The following CSMD3 variants were observed in gnomAD, a reference collection of about 807,000 sequenced individuals.
CSMD3 encodes CUB and Sushi multiple domains 3, also known as CUB and sushi domain-containing protein 3.
A neutral mutation model predicts 435.2 loss-of-function variants in CSMD3; 177 were observed. The observed-to-expected ratio is 0.41, with a 90% CI of 0.36 to 0.46. The LOEUF is 0.46. Ranked by LOEUF, CSMD3 falls within the 20% of genes least tolerant of loss-of-function variation. The pLI, the probability that CSMD3 is intolerant of heterozygous loss-of-function variation, is 0.34. For synonymous variants in CSMD3, 1,656 were observed against 1,520.5 expected (o/e 1.09, Z -2.07); for missense variants, 4,265 against 4,504.6 (o/e 0.95, Z 1.52).
At chr8:112,572,162 T>A (rs557532495) in intron 24 of CSMD3, among the ~76,000 whole-genome samples, 2 of 152,216 alleles carry the variant, frequency 1.3e-5, no homozygotes, top group South Asian at 2.1e-4. Flanking sequence ...TTGCTCAATA[T>A]CATTACTTTT....
At chr8:112,259,922 T>C (rs1321249680) in intron 61 of CSMD3, among the ~76,000 whole-genome samples, 3 of 152,152 alleles carry the variant, frequency 2.0e-5, no homozygotes, top group Non-Finnish European at 2.9e-5. Flanking sequence ...GTGTTCCTCT[T>C]ATGCATATTC....
intron 5 of CSMD3, among the ~76,000 whole-genome samples, chr8:113,041,777 T>G (rs1056443348): frequency 2.0e-5 from 3 of 152,312 alleles, no homozygotes; most frequent in Middle Eastern, 6.8e-3. Context: ...CTTTTTCTAT[T>G]CAGAAATTAA....
chr8:112,673,098 C>T (rs1481023647), intron 16 of CSMD3, among the ~76,000 whole-genome samples: 1 of 151,792 alleles, frequency 6.6e-6, no homozygotes, highest in Non-Finnish European at 1.5e-5. Flanking sequence ...AACAGTCCTT[C>T]TGTGGAGTTG....
intron 1 of CSMD3, among the ~76,000 whole-genome samples, chr8:113,410,958 G>GAAAGAAAGA (rs1254597642): frequency 1.1e-5 from 1 of 95,148 alleles, no homozygotes; most frequent in Admixed American, 9.6e-5. Flanking sequence ...AGAAAGAGAA[G>GAAAGAAAGA]GGAGGGAGGG....
intron 32 of CSMD3, among the ~76,000 whole-genome samples, chr8:112,458,225 A>ACACACACACACACACT (rs1817057011): frequency 6.6e-6 from 1 of 151,754 alleles, no homozygotes; most frequent in Non-Finnish European, 1.5e-5. Flanking sequence ...CCACACACAC[A>ACACACACACACACACT]CAGAGAAACA....
intron 27 of CSMD3, among the ~76,000 whole-genome samples, chr8:112,543,496 C>A (rs912990600): frequency 6.6e-6 from 1 of 151,926 alleles, no homozygotes; most frequent in African/African-American, 2.4e-5. Flanking sequence ...GTTAACATAA[C>A]TAATCTTCAA....
intron 1 of CSMD3, among the ~76,000 whole-genome samples, chr8:113,434,586 C>A (rs1448863406): frequency 6.6e-6 from 1 of 151,954 alleles, no homozygotes; most frequent in African/African-American, 2.4e-5. Context: ...TCCAAGTGCC[C>A]GATGAGTGAC....
chr8:113,352,347 C>T (rs932414277), intron 1 of CSMD3, among the ~76,000 whole-genome samples: 10 of 151,986 alleles, frequency 6.6e-5, no homozygotes, highest in African/African-American at 2.4e-4. Context: ...TATTCTGTCA[C>T]AAACCAAGCA....
chr8:113,226,466 G>A (rs541198138), intron 3 of CSMD3, among the ~76,000 whole-genome samples: 194 of 151,670 alleles, frequency 1.3e-3, no homozygotes, highest in African/African-American at 4.5e-3. Flanking sequence ...TGGCATGTAT[G>A]AGTATGTCTG....
chr8:112,370,556 G>T (rs188240203), intron 38 of CSMD3, among the ~76,000 whole-genome samples: 5 of 151,474 alleles, frequency 3.3e-5, no homozygotes, highest in Non-Finnish European at 7.4e-5. Context: ...CTTCTGTTTC[G>T]TGGTATTGGC....
At chr8:112,544,005 G>C (rs1363695566) in intron 27 of CSMD3, among the ~76,000 whole-genome samples, 1 of 152,080 alleles carries the variant, frequency 6.6e-6, no homozygotes, top group Non-Finnish European at 1.5e-5. Flanking sequence ...ACTTATATGA[G>C]GTATCTAAAA....
chr8:112,607,992 A>G (rs1313317171), intron 22 of CSMD3, among the ~76,000 whole-genome samples: 1 of 152,136 alleles, frequency 6.6e-6, no homozygotes, highest in Non-Finnish European at 1.5e-5. Context: ...AACCATCCGA[A>G]ACATAAAAGA....
intron 22 of CSMD3, among the ~76,000 whole-genome samples, chr8:112,621,002 C>T (rs562698762): frequency 5.9e-5 from 9 of 152,130 alleles, no homozygotes; most frequent in African/African-American, 1.2e-4. Context: ...TTTGGTAGGC[C>T]GAGGTGGGCG....
At chr8:112,626,789 G>C (rs1328448142) in intron 22 of CSMD3, among the ~76,000 whole-genome samples, 1 of 152,096 alleles carries the variant, frequency 6.6e-6, no homozygotes, top group Non-Finnish European at 1.5e-5. Flanking sequence ...ATATGTCACT[G>C]TTGTAAGCAA....
At chr8:113,346,705 CTG>C (rs138662851) in intron 1 of CSMD3, among the ~76,000 whole-genome samples, 15,809 of 151,926 alleles carry the variant, frequency 0.1, 952 homozygotes, top group Middle Eastern at 0.17. Context: ...AAGAAAATAT[CTG>C]AGAGAAATAC....
intron 13 of CSMD3, among the ~76,000 whole-genome samples, chr8:112,736,003 T>C (rs2077178809): frequency 6.6e-6 from 1 of 151,986 alleles, no homozygotes; most frequent in Admixed American, 6.6e-5. Flanking sequence ...TTTTCAGTTT[T>C]ATATAGAGAG....
At chr8:112,905,807 T>C (rs2130486002) in intron 10 of CSMD3, among the ~76,000 whole-genome samples, 1 of 151,558 alleles carries the variant, frequency 6.6e-6, no homozygotes, top group South Asian at 2.1e-4. Flanking sequence ...CTACGAGTCT[T>C]TGGACTTCTG....
intron 26 of CSMD3, among the ~76,000 whole-genome samples, chr8:112,551,908 T>C (rs1827720121): frequency 6.6e-6 from 1 of 152,116 alleles, no homozygotes; most frequent in South Asian, 2.1e-4. Flanking sequence ...TCAAGGATGA[T>C]TCTAGCCAAA....
chr8:112,726,665 C>T (rs1035735246), intron 13 of CSMD3, among the ~76,000 whole-genome samples: 1 of 151,838 alleles, frequency 6.6e-6, no homozygotes, highest in Non-Finnish European at 1.5e-5. Context: ...CTCATCCAAC[C>T]AACAGGATTT....
Sources: allele counts gnomAD v4.1 joint callset (sites outside exome capture counted in the v4.1 genomes callset), GRCh38; gene constraint gnomAD v4.1.1; transcripts MANE v1.5; gene names NCBI Gene and HGNC (gene_info 2026-07-23, HGNC 2026-07-21).